ATXN2L: variants seen among roughly 807,000 people sequenced by gnomAD.
ATXN2L encodes ataxin 2 like, also known as ataxin-2-like protein.
In ATXN2L, 24 loss-of-function variants were observed where a neutral mutation model predicts 120.7. The observed-to-expected ratio is 0.20, with a 90% confidence interval of 0.14 to 0.28. The LOEUF is 0.28. ATXN2L is among the 10% of genes least tolerant of loss of function. The pLI is 1.00. For missense variants in ATXN2L, 1,312 were observed against 1,432.3 expected (o/e 0.92, Z 1.36); for synonymous variants, 653 against 568.1 (o/e 1.15, Z -2.13).
chr16:28,832,590 T>G, intron 12 of ATXN2L, 23 bp downstream of exon 12: 1 of 1,607,790 alleles, frequency 6.2e-7, no homozygotes, highest in Non-Finnish European at 8.5e-7. Context: ...TTTTTTCTGC[T>G]GAGGATTAAT....
At chr16:28,824,384 T>C in intron 1 of ATXN2L, 1 of 1,255,164 alleles carries the variant, frequency 8.0e-7, no homozygotes, top group Non-Finnish European at 1.0e-6. Flanking sequence ...TCCCGTGGGT[T>C]TTAGTGCGCA....
intron 2 of ATXN2L, 103 bp downstream of exon 2, chr16:28,825,505 G>C (rs899061619): frequency 2.0e-6 from 3 of 1,534,090 alleles, no homozygotes; most frequent in Non-Finnish European, 1.8e-6. Flanking sequence ...ATGTACTCAG[G>C]AGGGCTGTGG....
At position 28,835,320 on chromosome 16, in the gene ATXN2L, A is replaced by G. The variant is rs201427214; in HGVS notation, c.2606A>G (p.His869Arg). Reference protein sequence around the residue: ...QSYPHHATQLHAHQPQPATTP... With the variant: ...QSYPHHATQLRAHQPQPATTP... ...TACCCACACCATGCCACACAGCTCCATGCCCACCAGCCGCAGCCGGCTACC... is the reference window on the plus strand; with the variant it reads ...TACCCACACCATGCCACACAGCTCCGTGCCCACCAGCCGCAGCCGGCTACC... Residue 869 changes from histidine to arginine, a missense_variant, in exon 20 of 22, where the codon CAT becomes CGT. By Grantham distance (29) the His-to-Arg change is conservative. Transcript: ENST00000336783. 15 of 1,613,694 alleles carry G rather than the reference A, an allele frequency of 9.3e-6. No homozygotes were observed. The highest frequency in any genetic ancestry group is 1.3e-5 in the Non-Finnish European group (15 of 1,179,936).
In ATXN2L at chr16:28,825,761, C is replaced by T; in HGVS notation, c.394-9C>T. On this transcript the variant is annotated splice_polypyrimidine_tract_variant and intron_variant, in intron 3 of 21. Transcript: ENST00000336783. ...GGAGACACTCTTCTTATTTTTCCCA[C>T]TCTGCCAGGGCTCCACTTGTGATGT... is the stretch of plus-strand genomic sequence containing the variant. The T allele has an allele frequency of 6.2e-7, 1 of 1,613,958 alleles. No homozygotes were observed.
chr16:28,834,558 G>C lies in ATXN2L; in HGVS notation c.2298G>C (p.Pro766=). The C allele has an allele frequency of 6.2e-7, 1 of 1,612,424 alleles. No homozygotes were observed. Among genetic ancestry groups the C allele is most frequent in the Non-Finnish European group, 8.5e-7 (1 of 1,179,794 alleles). The change falls in exon 18 of 22, where the codon CCG becomes CCC. Residue 766 remains proline, a synonymous_variant. Coordinates refer to ENST00000336783, the MANE Select transcript of ATXN2L (RefSeq NM_007245.4). Reference sequence around the variant, plus strand: ...AACACCAGCCAGCCTCAGCCCCGCCGATGATGCAGGCCGCCGCGGCTGCTG... The same window carrying C: ...AACACCAGCCAGCCTCAGCCCCGCCCATGATGCAGGCCGCCGCGGCTGCTG... ...SDQHQPASAP[P]MMQAAAAAGP...
rs1167632923 is a variant in ATXN2L at position 28,829,984 on chromosome 16, G to C, written c.960G>C (p.Gly320=). The C allele has an allele frequency of 6.2e-7, 1 of 1,614,198 alleles. No individual in the cohort carries two copies. The highest frequency in any genetic ancestry group is 2.2e-5 in the East Asian group (1 of 44,876). The part of the protein sequence containing the change: ...RLRIAMENDD[G]RTEEEKHSAV... ...GGATCGCCATGGAGAACGACGATGG[G>C]CGCACTGAAGAGGAGAAGCACAGTG... The change falls in exon 8 of 22, where the codon GGG becomes GGC. Residue 320 remains glycine (G), a synonymous_variant. Transcript: ENST00000336783.
intron 7 of ATXN2L, 82 bp downstream of exon 7, chr16:28,829,574 T>A: frequency 9.2e-7 from 1 of 1,082,074 alleles, no homozygotes; most frequent in East Asian, 2.5e-5. Context: ...TAGAACATAG[T>A]TTTTGCTCAT....
At chr16:28,829,808 C>A in intron 7 of ATXN2L, 50 bp from the exon 8 acceptor site, 2 of 1,588,958 alleles carry the variant, frequency 1.3e-6, no homozygotes, top group African/African-American at 2.7e-5. Flanking sequence ...CTTTTTTCCT[C>A]TTTTGTCCCC....
In ATXN2L at chr16:28,823,346, G is replaced by A. The variant is rs745805437; in HGVS notation, c.87G>A (p.Gly29=). The A allele has an allele frequency of 7.2e-7, 1 of 1,380,078 alleles. No homozygotes were observed. Among genetic ancestry groups the A allele is most frequent in the South Asian group, 1.9e-5 (1 of 53,368 alleles). 85.5% of individuals were successfully genotyped at this position (1,380,078 alleles called of 1,614,324 possible). The change falls in exon 1 of 22, where the codon GGG becomes GGA. Residue 29 remains glycine, a synonymous_variant. Coordinates refer to ENST00000336783, the MANE Select transcript of ATXN2L (RefSeq NM_007245.4). ...AGGCCGTGGCCCGTCGGCCCCCCGG[G>A]GGCACCAGCCCTCCCAACGGCGGCC... ...TQQAVARRPP[G]GTSPPNGGLP... is the part of the protein sequence containing the mutation.
In ATXN2L at chr16:28,823,229, C is replaced by T; in HGVS notation, c.-31C>T. 1.5e-6 allele frequency: 2 copies of T among 1,365,744 alleles called. No individual in the cohort carries two copies. Among genetic ancestry groups the T allele is most frequent in the Admixed American group, 2.8e-5 (1 of 35,534 alleles). The allele number at this position is 1,365,744 out of a possible 1,614,324, so 84.6% of individuals were successfully genotyped here. A position where few individuals can be genotyped will look rare whatever the true frequency, so the allele number is the denominator to read the frequency against. ...CCCCGGCCCCCTCTCTCCCTCCCTT[C>T]TCTCTAATTCCCCTTCCGGACGCTG... On this transcript the variant is annotated 5_prime_UTR_variant, in exon 1 of 22. Transcript: ENST00000336783.
intron 16 of ATXN2L, 64 bp downstream of exon 16, chr16:28,834,275 G>T (rs1357312964): frequency 6.2e-7 from 1 of 1,610,476 alleles, no homozygotes; most frequent in Non-Finnish European, 8.5e-7. Context: ...CTGGTTGAGG[G>T]ACCAGGTCAG....
chr16:28,828,859 G>A (rs1354535123), intron 6 of ATXN2L, among the ~76,000 whole-genome samples: 2 of 152,044 alleles, frequency 1.3e-5, no homozygotes, highest in African/African-American at 2.4e-5. Flanking sequence ...AGGTTCAAGC[G>A]ATTCTTCTGC....
At chr16:28,826,500 G>GT (rs2052049932) in intron 5 of ATXN2L, 110 bp downstream of exon 5, 2 of 1,316,222 alleles carry the variant, frequency 1.5e-6, no homozygotes, top group Non-Finnish European at 2.1e-6. Flanking sequence ...TTTTGTTTTT[G>GT]TTTGTTTGTT....
At chr16:28,834,937 A>T (rs1959659018) in intron 18 of ATXN2L, 121 bp from the exon 19 acceptor site, 1 of 1,354,580 alleles carries the variant, frequency 7.4e-7, no homozygotes, top group East Asian at 2.4e-5. Flanking sequence ...GATCGTTATG[A>T]ATGTTGAATC....
Position 28,836,587 on chromosome 16 carries a change from G to T in ATXN2L, c.*322G>T. On this transcript the variant is annotated 3_prime_UTR_variant, in exon 22 of 22. Transcript: ENST00000336783. ...TACTGGGAAACAGCGATTGACCTGT[G>T]CTTCTGACAGCCCCCGAGACACCTT... 1 of 1,572,096 alleles carries T rather than the reference G, an allele frequency of 6.4e-7. No homozygotes were observed.
At chr16:28,829,836 T>C (rs373971976) in intron 7 of ATXN2L, 22 bp from the exon 8 acceptor site, 88 of 1,612,762 alleles carry the variant, frequency 5.5e-5, no homozygotes, top group Non-Finnish European at 7.1e-5. Flanking sequence ...GGGATGGTGG[T>C]GGTCTGTGGG....
chr16:28,828,104 T>C (rs78613234), intron 6 of ATXN2L, among the ~76,000 whole-genome samples: 51,963 of 152,106 alleles, frequency 0.34, 9,541 homozygotes, highest in Admixed American at 0.41. Flanking sequence ...TCCTTTTCCT[T>C]AATCATCTGC....
intron 19 of ATXN2L, 37 bp downstream of exon 19, chr16:28,835,224 G>A (rs1959928505): frequency 1.2e-6 from 2 of 1,610,078 alleles, no homozygotes; most frequent in Non-Finnish European, 1.7e-6. Flanking sequence ...TCTGGGCTGT[G>A]TGCCAGCCCC....
At chr16:28,834,716 G>A (rs1230773345) in intron 18 of ATXN2L, 23 bp downstream of exon 18, 3 of 1,590,528 alleles carry the variant, frequency 1.9e-6, no homozygotes, top group Non-Finnish European at 2.6e-6. Context: ...CAGGAGGGCA[G>A]TGAGGATCCA....
Sources: gnomAD v4.1 joint callset for allele counts (sites outside exome capture counted in the v4.1 genomes callset) on GRCh38, gnomAD v4.1.1 for gene constraint, MANE v1.5 for transcripts, NCBI Gene and HGNC (gene_info 2026-07-23, HGNC 2026-07-21) for gene names.